ARHGEF18: variants seen among roughly 807,000 people sequenced by gnomAD.
The protein encoded by ARHGEF18 is Rho/Rac guanine nucleotide exchange factor 18.
A neutral mutation model predicts 155.7 loss-of-function variants in ARHGEF18; 93 were observed. The ratio of observed to expected loss-of-function variants is 0.60; its 90% CI spans 0.50 to 0.71. ARHGEF18 has a LOEUF of 0.71. Ranked by LOEUF, ARHGEF18 falls within the 30% of genes least tolerant of loss-of-function variation. The pLI is 0.00. For missense variants in ARHGEF18, 1,593 were observed against 1,816.1 expected, an observed-to-expected ratio of 0.88 and a Z score of 2.23; for synonymous variants, 742 against 753.1, an observed-to-expected ratio of 0.99 and a Z score of 0.24.
At position 7,367,875 on chromosome 19, in the gene ARHGEF18, T is replaced by TATATATACAC. The variant is rs1568270313; in HGVS notation, c.16-4930_16-4929insCACATATATA. ...ATATATACACATATATATTTTTATA[T>TATATATACAC]ATATATATTTTATATATATTTTTTA... On this transcript the variant is annotated intron_variant, in intron 2 of 28. Transcript: ENST00000668164. Among the ~76,000 whole-genome samples the TATATATACAC allele has an allele frequency of 5.0e-3, 200 of 40,018 alleles. 37 individuals are homozygous for TATATATACAC. The highest frequency in any genetic ancestry group is 0.022 in the African/African-American group (110 of 5,096). The allele number at this position is 40,018 out of a possible 152,430, so 26.3% of individuals were successfully genotyped here. A position where few individuals can be genotyped will look rare whatever the true frequency, so the allele number is the denominator to read the frequency against.
intron 10 of ARHGEF18, among the ~76,000 whole-genome samples, chr19:7,416,611 T>TTTG (rs1973036922): frequency 6.9e-6 from 1 of 145,942 alleles, no homozygotes; most frequent in Non-Finnish European, 1.5e-5. Context: ...TTGGGTTTTT[T>TTTG]TTTTTTTTTG....
intron 15 of ARHGEF18, 32 bp from the exon 16 acceptor site, chr19:7,451,117 G>A: frequency 6.3e-7 from 1 of 1,589,620 alleles, no homozygotes; most frequent in Non-Finnish European, 8.6e-7. Context: ...TTTCTGAGAT[G>A]TTAATACAGG....
At chr19:7,461,586 GA>G (rs1415809732) in intron 20 of ARHGEF18, among the ~76,000 whole-genome samples, 2 of 152,058 alleles carry the variant, frequency 1.3e-5, no homozygotes, top group Admixed American at 1.3e-4. Context: ...AGGGAGGATG[GA>G]AAATTCAGTT....
chr19:7,393,047 C>CAA (rs60015151), intron 10 of ARHGEF18, among the ~76,000 whole-genome samples: 170 of 56,184 alleles, frequency 3.0e-3, no homozygotes, highest in Admixed American at 8.8e-3. Flanking sequence ...GATCCTGTCT[C>CAA]AAAAAAAAAA....
At chr19:7,425,687 A>G (rs1371410733) in intron 10 of ARHGEF18, among the ~76,000 whole-genome samples, 13 of 148,438 alleles carry the variant, frequency 8.8e-5, no homozygotes, top group East Asian at 4.0e-4. Flanking sequence ...GTCTCAAAAA[A>G]AAAAAAAAAA....
chr19:7,410,701 T>C (rs1038853730), intron 10 of ARHGEF18, among the ~76,000 whole-genome samples: 3 of 147,430 alleles, frequency 2.0e-5, no homozygotes. Context: ...TCCCATTTAC[T>C]TGGGAGGCTG....
Position 7,362,906 on chromosome 19 carries a change from G to C in ARHGEF18, c.15+1G>C. The stretch of plus-strand genomic sequence containing the variant: ...CTTCTCTGCCATGGGGGATGATCAG[G>C]CAGGTGTCTGACTGCTGAAACGGGC... On this transcript the variant is annotated splice_donor_variant, in intron 2 of 28. Coordinates refer to ENST00000668164, the MANE Select transcript of ARHGEF18 (RefSeq NM_001367823.1). LOFTEE classifies it high-confidence loss of function. The C allele has an allele frequency of 8.1e-7, 1 of 1,234,372 alleles. No homozygotes were observed. Among genetic ancestry groups the C allele is most frequent in the Non-Finnish European group, 1.0e-6 (1 of 988,174 alleles). 76.5% of individuals were successfully genotyped at this position (1,234,372 alleles called of 1,614,324 possible). A position where few individuals can be genotyped will look rare whatever the true frequency, so the allele number is the denominator to read the frequency against.
intron 10 of ARHGEF18, among the ~76,000 whole-genome samples, chr19:7,403,553 C>CTT (rs746180410): frequency 0.01 from 1,245 of 122,910 alleles, 16 homozygotes; most frequent in African/African-American, 0.033. Flanking sequence ...TTCTTTCTTT[C>CTT]TTTTTTTTTT....
chr19:7,440,133 A>G lies in ARHGEF18; in HGVS notation c.968-211A>G. 6.4e-7 allele frequency: 1 copy of G among 1,551,130 alleles called. No individual in the cohort carries two copies. Among genetic ancestry groups the G allele is most frequent in the Non-Finnish European group, 8.7e-7 (1 of 1,146,846 alleles). ...GAATGCGCACTCCAAAAGCGGGGAC[A>G]GGCACAGCGCGCTCCCCGGCCGCCC... On this transcript the variant is annotated intron_variant, in intron 10 of 28. Coordinates refer to ENST00000668164, the MANE Select transcript of ARHGEF18 (RefSeq NM_001367823.1). This position sits in a 1 kb window ranked among gnomAD's most constrained non-coding sequence, Gnocchi z 5.4.
chr19:7,394,729 C>A (rs915570619), intron 10 of ARHGEF18, among the ~76,000 whole-genome samples: 2 of 151,944 alleles, frequency 1.3e-5, no homozygotes, highest in African/African-American at 2.4e-5. Flanking sequence ...TCAGGACTCC[C>A]TCCCCAGCCG....
intron 1 of ARHGEF18, among the ~76,000 whole-genome samples, chr19:7,349,710 A>G (rs1417582279): frequency 6.6e-6 from 1 of 151,946 alleles, no homozygotes; most frequent in African/African-American, 2.4e-5. Context: ...CCCGGGAGGT[A>G]GAGGTTGAAG....
intron 26 of ARHGEF18, 65 bp from the exon 27 acceptor site, chr19:7,468,760 G>A (rs766409443): frequency 1.7e-5 from 25 of 1,455,516 alleles, no homozygotes; most frequent in Admixed American, 9.5e-5. Context: ...CACGACCCTC[G>A]GGGGCTCTCC....
chr19:7,414,370 A>G (rs1342953610), intron 10 of ARHGEF18, among the ~76,000 whole-genome samples: 1 of 152,134 alleles, frequency 6.6e-6, no homozygotes, highest in African/African-American at 2.4e-5. Flanking sequence ...GTTTTTTTAA[A>G]AAGTCATAAT....
At chr19:7,466,504 C>CAA (rs34455146) in intron 23 of ARHGEF18, among the ~76,000 whole-genome samples, 7 of 122,218 alleles carry the variant, frequency 5.7e-5, no homozygotes, top group Admixed American at 4.2e-4. Context: ...GGCCCTGTCT[C>CAA]AAAAAAAAAA....
chr19:7,447,217 G>A (rs771719288), intron 15 of ARHGEF18, 49 bp downstream of exon 15: 13 of 1,531,000 alleles, frequency 8.5e-6, no homozygotes, highest in East Asian at 5.0e-5. Context: ...CTGGCCGGGC[G>A]CAGTGGCTCA....
intron 16 of ARHGEF18, 97 bp downstream of exon 16, chr19:7,451,363 T>G: frequency 9.8e-7 from 1 of 1,017,386 alleles, no homozygotes; most frequent in Non-Finnish European, 1.4e-6. Context: ...ACTGAATAAA[T>G]TCCCTTTGAA....
chr19:7,379,795 G>C (rs543052191), intron 7 of ARHGEF18, among the ~76,000 whole-genome samples: 149 of 152,320 alleles, frequency 9.8e-4, no homozygotes, highest in African/African-American at 3.5e-3. Flanking sequence ...GGGAGGCCAA[G>C]GTGAGAGGAT....
chr19:7,478,132 C>T, the ARHGEF18 span, among the ~76,000 whole-genome samples: 2 of 152,244 alleles, frequency 1.3e-5, no homozygotes, highest in Non-Finnish European at 2.9e-5. Context: ...AGTCCCCGCT[C>T]AAGCAAGCCT....
chr19:7,477,296 G>T, downstream of ARHGEF18: 16 of 1,572,076 alleles, frequency 1.0e-5, no homozygotes, highest in Non-Finnish European at 1.4e-5. Flanking sequence ...CACTAGCCAC[G>T]GCGGGAAGCG....
Sources: allele counts gnomAD v4.1 joint callset (sites outside exome capture counted in the v4.1 genomes callset), GRCh38; gene constraint gnomAD v4.1.1; non-coding constraint Gnocchi (gnomAD v3.1); transcripts MANE v1.5; gene names NCBI Gene and HGNC (gene_info 2026-07-23, HGNC 2026-07-21).